The following TMEM132E variants were observed in gnomAD, a reference collection of about 807,000 sequenced individuals.
TMEM132E encodes the protein transmembrane protein 132E.
A neutral mutation model predicts 78.5 loss-of-function variants in TMEM132E; 49 were observed. The observed-to-expected ratio is 0.62, with a 90% CI of 0.50 to 0.79. The LOEUF is 0.79. Ranked by LOEUF, TMEM132E falls within the 30% of genes least tolerant of loss-of-function variation. TMEM132E has a pLI of 0.00. For synonymous variants in TMEM132E, 715 were observed against 670.6 expected (o/e 1.07, Z -1.02); for missense variants, 1,403 against 1,470.9 (o/e 0.95, Z 0.75).
At chr17:34,633,803 G>C (rs150809800) in intron 6 of TMEM132E, among the ~76,000 whole-genome samples, 1,866 of 152,302 alleles carry the variant, frequency 0.012, 48 homozygotes, top group African/African-American at 0.042. Flanking sequence ...GGCAGGTCTG[G>C]GGTAAAGCCT....
chr17:34,636,046 C>A lies in TMEM132E; in HGVS notation c.2017C>A (p.Leu673Met), dbSNP rs2142087670. Residue 673 changes from leucine to methionine, a missense_variant, in exon 8 of 9, where the codon CTG becomes ATG. Physicochemically the swap from Leu to Met is conservative, Grantham distance 15. Transcript: ENST00000631683. ...PLTEAVLGET[L>M]LTVTEEKVSI... Reference sequence around the variant, plus strand: ...GACGGAGGCTGTGCTCGGGGAGACGCTGCTGACGGTGACTGAGGAGAAGGT... The same window carrying A: ...GACGGAGGCTGTGCTCGGGGAGACGATGCTGACGGTGACTGAGGAGAAGGT... 6.4e-7 allele frequency: 1 copy of A among 1,561,814 alleles called. No homozygotes were observed. The highest frequency in any genetic ancestry group is 8.6e-7 in the Non-Finnish European group (1 of 1,156,298).
intron 1 of TMEM132E, among the ~76,000 whole-genome samples, chr17:34,594,150 C>A (rs935080940): frequency 6.6e-6 from 1 of 152,168 alleles, no homozygotes; most frequent in African/African-American, 2.4e-5. Flanking sequence ...GGAATGGAAG[C>A]CCTTGAGAGC....
chr17:34,614,151 G>A (rs931277639), intron 1 of TMEM132E, among the ~76,000 whole-genome samples: 13 of 152,164 alleles, frequency 8.5e-5, no homozygotes, highest in African/African-American at 2.9e-4. Context: ...CCTGGATTGG[G>A]CACCAGGCAG....
rs1046769345 is a variant in TMEM132E, at chr17:34,626,127, C to T, written c.68C>T (p.Ala23Val). The change falls in exon 2 of 9, where the codon GCC (alanine) becomes GTC (valine). Residue 23 changes from alanine to valine, a missense_variant and splice_region_variant. Ala to Val is a moderately conservative substitution (Grantham distance 64). This residue lies in a region of TMEM132E where 511 missense variants were observed against 499.0 expected (regional missense o/e 1.02). Coordinates refer to ENST00000631683, the MANE Select transcript of TMEM132E (RefSeq NM_001304438.2). ...GCCTCTTTCCTCTGTCTGTCCCCAG[C>T]CTCTGGCCGCTCCCACCCGGCCAGC... ...LLCLSALLAH[A>V]SGRSHPASPS... The T allele has an allele frequency of 1.3e-6, 2 of 1,514,092 alleles. No individual in the cohort carries two copies. Among genetic ancestry groups the T allele is most frequent in the Non-Finnish European group, 1.8e-6 (2 of 1,135,558 alleles). 93.8% of individuals were successfully genotyped at this position (1,514,092 alleles called of 1,614,324 possible).
rs1429486066 is a variant in TMEM132E, at chr17:34,626,374, G to A, written c.315G>A (p.Arg105=). 3 of 1,613,206 alleles carry A rather than the reference G, an allele frequency of 1.9e-6. No homozygotes were observed. Among genetic ancestry groups the A allele is most frequent in the East Asian group, 2.2e-5 (1 of 44,862 alleles). Residue 105 remains arginine (R), a synonymous_variant, in exon 2 of 9, where the codon CGG becomes CGA. Transcript: ENST00000631683. ...TCAGCACCAGCCAGGTGGTGGCGCG[G>A]GAGCTCCTGCAGCCGTCCAGCACCC... ...GPFSTSQVVA[R]ELLQPSSTLD...
intron 1 of TMEM132E, among the ~76,000 whole-genome samples, chr17:34,584,555 G>C (rs1349156857): frequency 6.6e-6 from 1 of 152,182 alleles, no homozygotes; most frequent in Non-Finnish European, 1.5e-5. Context: ...TTGCATTTAG[G>C]GCAGGAGCCA....
At position 34,636,646 on chromosome 17, in the gene TMEM132E, G is replaced by A. The variant is rs566378194; in HGVS notation, c.2169+448G>A. 3.3e-5 allele frequency among the ~76,000 whole-genome samples: 5 copies of A among 152,242 alleles called. No homozygotes were observed. The South Asian group carries it at 1.0e-3, about 32-fold the overall frequency. ...AGTGCTGAGCCCGGAGTTAGGACAC[G>A]GGTCCTCTGTCCCTAACTCACTCCA... is the stretch of plus-strand genomic sequence containing the variant. On this transcript the variant is annotated intron_variant, in intron 8 of 8. Coordinates refer to ENST00000631683, the MANE Select transcript of TMEM132E (RefSeq NM_001304438.2).
intron 1 of TMEM132E, among the ~76,000 whole-genome samples, chr17:34,607,948 G>T (rs1020006636): frequency 6.6e-6 from 1 of 152,126 alleles, no homozygotes; most frequent in African/African-American, 2.4e-5. Flanking sequence ...CGTAGTTTAG[G>T]TAGGTTTTCA....
At position 34,626,327 on chromosome 17, in the gene TMEM132E, C is replaced by T. The variant is rs770107846; in HGVS notation, c.268C>T (p.Leu90Phe). 3.8e-5 allele frequency: 62 copies of T among 1,612,532 alleles called. No individual in the cohort carries two copies. Among genetic ancestry groups the T allele is most frequent in the Non-Finnish European group, 5.1e-5 (60 of 1,179,490 alleles). ...VVFQTKELPV[L>F]NVSLGPFSTS... ...GTTCCAGACCAAGGAGCTGCCGGTC[C>T]TCAACGTCTCTCTGGGGCCCTTCAG... Residue 90 changes from leucine to phenylalanine, a missense_variant, in exon 2 of 9, where the codon CTC becomes TTC. Transcript: ENST00000631683.
Position 34,626,399 on chromosome 17 carries a change from C to G in TMEM132E, c.340C>G (p.Leu114Val). Reference protein sequence around the residue: ...ARELLQPSSTLDIPERLTVNW... With the variant: ...ARELLQPSSTVDIPERLTVNW... ...GGAGCTCCTGCAGCCGTCCAGCACC[C>G]TGGACATCCCCGAGCGCCTGACGGT... is the stretch of plus-strand genomic sequence containing the variant. The change falls in exon 2 of 9, where the codon CTG becomes GTG. Residue 114 changes from leucine (L) to valine (V), a missense_variant. Coordinates refer to ENST00000631683, the MANE Select transcript of TMEM132E (RefSeq NM_001304438.2). 1 of 1,613,368 alleles carries G rather than the reference C, an allele frequency of 6.2e-7. No individual in the cohort carries two copies. Among genetic ancestry groups the G allele is most frequent in the Non-Finnish European group, 8.5e-7 (1 of 1,179,826 alleles).
At chr17:34,597,695 A>G (rs1036183367) in intron 1 of TMEM132E, among the ~76,000 whole-genome samples, 1 of 152,134 alleles carries the variant, frequency 6.6e-6, no homozygotes, top group East Asian at 1.9e-4. Context: ...GCCTTTTTTC[A>G]GTGTGGGCCA....
At chr17:34,614,497 G>A (rs1906713207) in intron 1 of TMEM132E, 1 of 152,180 alleles carries the variant, frequency 6.6e-6, no homozygotes, top group Non-Finnish European at 1.5e-5. Flanking sequence ...GAAGTACAAA[G>A]CCTTTCTTGT....
At chr17:34,611,343 G>A (rs113234082) in intron 1 of TMEM132E, among the ~76,000 whole-genome samples, 1 of 152,194 alleles carries the variant, frequency 6.6e-6, no homozygotes, top group Non-Finnish European at 1.5e-5. Flanking sequence ...TGAGAAATGA[G>A]CTAAAATGAG....
intron 1 of TMEM132E, among the ~76,000 whole-genome samples, chr17:34,619,962 C>G (rs779077980): frequency 6.6e-6 from 1 of 152,242 alleles, no homozygotes; most frequent in South Asian, 2.1e-4. Context: ...CCTGCTGTGC[C>G]TCTGAACCAC....
chr17:34,593,686 G>A (rs1418273616), intron 1 of TMEM132E, among the ~76,000 whole-genome samples: 3 of 152,218 alleles, frequency 2.0e-5, no homozygotes, highest in African/African-American at 7.2e-5. Context: ...CAGCTTCTAG[G>A]GCCGGGGTAG....
intron 1 of TMEM132E, among the ~76,000 whole-genome samples, chr17:34,611,497 A>G (rs1906592562): frequency 6.6e-6 from 1 of 152,168 alleles, no homozygotes; most frequent in African/African-American, 2.4e-5. Flanking sequence ...AGAAGTGCTG[A>G]TGAAGCAGCA....
chr17:34,628,553 T>A lies in TMEM132E; in HGVS notation c.999-10T>A, dbSNP rs1397915736. ...ACCCTCTCCCTCTTCTTCCTCCCAC[T>A]TTGTCCCAGGGTGAAGGCCAAGAAG... is the stretch of plus-strand genomic sequence containing the variant. On this transcript the variant is annotated splice_polypyrimidine_tract_variant and intron_variant, in intron 2 of 8. Coordinates refer to ENST00000631683, the MANE Select transcript of TMEM132E (RefSeq NM_001304438.2). The A allele has an allele frequency of 6.2e-7, 1 of 1,613,464 alleles. No individual in the cohort carries two copies. The highest frequency in any genetic ancestry group is 1.7e-5 in the Admixed American group (1 of 59,970).
chr17:34,587,089 C>T (rs540496509), intron 1 of TMEM132E, among the ~76,000 whole-genome samples: 15 of 152,164 alleles, frequency 9.9e-5, no homozygotes, highest in Non-Finnish European at 2.2e-4. Context: ...CTATCTTTCA[C>T]GACCACTGGA....
chr17:34,597,106 T>G (rs995171423), intron 1 of TMEM132E, among the ~76,000 whole-genome samples: 3 of 152,030 alleles, frequency 2.0e-5, no homozygotes, highest in African/African-American at 7.2e-5. Context: ...GACAGGGAGC[T>G]CCTCAGGACA....
Sources: allele counts gnomAD v4.1 joint callset (sites outside exome capture counted in the v4.1 genomes callset), GRCh38; gene constraint gnomAD v4.1.1; regional missense constraint gnomAD v4.1.1; transcripts MANE v1.5; gene names NCBI Gene and HGNC (gene_info 2026-07-23, HGNC 2026-07-21).